The following VSTM1 variants were observed in gnomAD, a reference collection of about 807,000 sequenced individuals.
The protein encoded by VSTM1 is V-set and transmembrane domain containing 1, also known as V-set and transmembrane domain-containing protein 1.
VSTM1 carries 27 observed loss-of-function variants against 33.1 expected under a neutral mutation model. That is an observed-to-expected ratio of 0.82 (90% confidence interval 0.60 to 1.12). The LOEUF (loss-of-function observed/expected upper bound fraction) is 1.12. Among genes scored for constraint, VSTM1 ranks in the 50% most tolerant of loss-of-function variants. VSTM1 has a pLI of 0.00. For missense variants in VSTM1, 304 were observed against 288.9 expected, an observed-to-expected ratio of 1.05 and a Z score of -0.38; for synonymous variants, 115 against 110.3, an observed-to-expected ratio of 1.04 and a Z score of -0.27.
At chr19:54,041,722 C>A in intron 8 of VSTM1, 57 bp downstream of exon 8, 1 of 1,573,682 alleles carries the variant, frequency 6.4e-7, no homozygotes, top group Non-Finnish European at 8.7e-7. Context: ...GAGGCACACA[C>A]GACCAGCCCA....
chr19:54,063,518 T>G (rs557648271), intron 1 of VSTM1, among the ~76,000 whole-genome samples: 38 of 152,260 alleles, frequency 2.5e-4, no homozygotes, highest in African/African-American at 8.4e-4. Context: ...ACAGCAGCTC[T>G]GCCTTTCCCA....
At chr19:54,049,919 T>G (rs2070757951) in intron 4 of VSTM1, among the ~76,000 whole-genome samples, 3 of 152,054 alleles carry the variant, frequency 2.0e-5, no homozygotes, top group Admixed American at 2.0e-4. Flanking sequence ...CAATTTATAT[T>G]CTGCATTTGG....
At chr19:54,055,464 C>A (rs2071043958) in intron 3 of VSTM1, 1 of 142,470 alleles carries the variant, frequency 7.0e-6, no homozygotes, top group East Asian at 2.0e-4. Context: ...ATAGAAAATG[C>A]TGGATACATG....
chr19:54,051,796 T>C (rs879980958), intron 3 of VSTM1, among the ~76,000 whole-genome samples: 4 of 152,168 alleles, frequency 2.6e-5, no homozygotes, highest in East Asian at 1.9e-4. Context: ...AGTCTTGCAC[T>C]GTTACCCAAG....
chr19:54,058,620 T>C lies in VSTM1; in HGVS notation c.71-30A>G, dbSNP rs765230915. On this transcript the variant is annotated intron_variant, in intron 2 of 8. Transcript: ENST00000338372. Reference sequence around the variant, plus strand: ...AAACAATTCAGAGTTAATTTGAGTCTAGAATTCAGACGATTAAAGGAAAAG... The same window carrying C: ...AAACAATTCAGAGTTAATTTGAGTCCAGAATTCAGACGATTAAAGGAAAAG... The C allele has an allele frequency of 3.1e-6, 5 of 1,613,022 alleles. No individual in the cohort carries two copies. In the African/African-American group the frequency reaches 6.7e-5, roughly 22 times the overall value.
chr19:54,041,187 AC>A, intron 8 of VSTM1, 107 bp from the exon 9 acceptor site: 1 of 1,245,346 alleles, frequency 8.0e-7, no homozygotes, highest in Non-Finnish European at 1.1e-6. Flanking sequence ...TTAATTTAAA[AC>A]CCAGGTCCTC....
At chr19:54,041,503 A>G (rs1455862939) in intron 8 of VSTM1, among the ~76,000 whole-genome samples, 7 of 152,128 alleles carry the variant, frequency 4.6e-5, no homozygotes, top group South Asian at 4.1e-4. Flanking sequence ...GGGTTTCACC[A>G]TGTTAACCAG....
chr19:54,052,833 G>GA (rs2070917920), intron 3 of VSTM1: 1 of 146,316 alleles, frequency 6.8e-6, no homozygotes, highest in Non-Finnish European at 1.5e-5. Context: ...AAAGCAGCCA[G>GA]AGGCCGGGCA....
rs746783531 is a variant in VSTM1 at position 54,040,965 on chromosome 19, A to T, written c.707T>A (p.Val236Glu). ...GTGGCCAGGGCTGTCTTCTTGCTAC[A>T]CTTTCAGTGCCGCATATTCATGAGA... ...PGSHEYAALK[V>E] is the part of the protein sequence containing the mutation. The change falls in exon 9 of 9, where the codon GTG becomes GAG. Residue 236 changes from valine to glutamate, a missense_variant. Transcript: ENST00000338372. 1.4e-5 allele frequency: 22 copies of T among 1,609,246 alleles called. No individual in the cohort carries two copies. In the East Asian group the frequency reaches 4.7e-4, roughly 35 times the overall value.
rs2071129444 is a variant in VSTM1 at position 54,056,975 on chromosome 19, C to T, written c.355+1331G>A. Among the ~76,000 whole-genome samples, 2 of 140,380 alleles carry T rather than the reference C, an allele frequency of 1.4e-5. 1 individual carries two copies. Among genetic ancestry groups the T allele is most frequent in the African/African-American group, 5.3e-5 (2 of 37,998 alleles). The allele number at this position is 140,380 out of a possible 152,430, so 92.1% of individuals were successfully genotyped here. Reference sequence around the variant, plus strand: ...TCAAGAGATTCTCTTCCTGCCTCAGCCTCCCTAGTAGCTGGGATTACAGGC... The same window carrying T: ...TCAAGAGATTCTCTTCCTGCCTCAGTCTCCCTAGTAGCTGGGATTACAGGC... On this transcript the variant is annotated intron_variant, in intron 3 of 8. Coordinates refer to ENST00000338372, the MANE Select transcript of VSTM1 (RefSeq NM_198481.4).
intron 8 of VSTM1, among the ~76,000 whole-genome samples, chr19:54,041,554 G>T (rs2070269038): frequency 6.6e-6 from 1 of 152,124 alleles, no homozygotes; most frequent in Non-Finnish European, 1.5e-5. Context: ...GCCCGCCTCG[G>T]CCTCCCAAAG....
At chr19:54,061,298 G>A (rs1205841121) in intron 1 of VSTM1, among the ~76,000 whole-genome samples, 2 of 152,108 alleles carry the variant, frequency 1.3e-5, no homozygotes, top group African/African-American at 4.8e-5. Context: ...GATTACAGGC[G>A]TGAGCCACCA....
intron 4 of VSTM1, among the ~76,000 whole-genome samples, chr19:54,043,559 C>T (rs1178979777): frequency 6.6e-6 from 1 of 151,942 alleles, no homozygotes; most frequent in African/African-American, 2.4e-5. Flanking sequence ...TTACAGGTGC[C>T]CACCATCACG....
chr19:54,043,243 C>T (rs1200994827), intron 4 of VSTM1, among the ~76,000 whole-genome samples: 2 of 151,968 alleles, frequency 1.3e-5, no homozygotes, highest in East Asian at 3.9e-4. Flanking sequence ...ACTGAGGTCC[C>T]CCAAGGTGGA....
rs765187210 is a variant in VSTM1, at chr19:54,058,540, C to G, written c.121G>C (p.Ala41Pro). Residue 41 changes from alanine to proline, a missense_variant, in exon 3 of 9, where the codon GCC becomes CCC. Physicochemically the swap from Ala to Pro is conservative, Grantham distance 27 (BLOSUM62 -1). Coordinates refer to ENST00000338372, the MANE Select transcript of VSTM1 (RefSeq NM_198481.4). ...CACTTCAGGGTCACATTGCTCTCGG[C>G]TTCAACCACCGAGCTGGGCCAGGCG... ...LHAWPSSVVE[A>P]ESNVTLKCQA... The G allele has an allele frequency of 1.2e-6, 2 of 1,614,108 alleles. No homozygotes were observed. The highest frequency in any genetic ancestry group is 2.2e-5 in the South Asian group (2 of 91,080).
Position 54,041,198 on chromosome 19 carries a change from C to T in VSTM1, c.592-118G>A, listed in dbSNP as rs78807723. ...AAATTTAATTTAAAACCCAGGTCCT[C>T]GGTCACACCAGATGCATTTCTTTTT... is the stretch of plus-strand genomic sequence containing the variant. On this transcript the variant is annotated intron_variant, in intron 8 of 8. Transcript: ENST00000338372. 1.5e-3 allele frequency: 1,574 copies of T among 1,079,408 alleles called. 18 individuals are homozygous for T. The African/African-American group carries it at 0.023, about 16-fold the overall frequency. 66.9% of individuals were successfully genotyped at this position (1,079,408 alleles called of 1,614,324 possible). A position where few individuals can be genotyped will look rare whatever the true frequency, so the allele number is the denominator to read the frequency against.
intron 1 of VSTM1, among the ~76,000 whole-genome samples, chr19:54,061,035 T>TG (rs1382950931): frequency 1.8e-4 from 26 of 145,500 alleles, no homozygotes; most frequent in African/African-American, 2.3e-4. Context: ...TTTTTTTTTT[T>TG]GACATGGAGT....
chr19:54,057,164 A>C (rs2071138905), intron 3 of VSTM1, among the ~76,000 whole-genome samples: 1 of 137,714 alleles, frequency 7.3e-6, no homozygotes, highest in Non-Finnish European at 1.6e-5. Flanking sequence ...CCTGGCCTGC[A>C]TCTATCTTTT....
Position 54,040,839 on chromosome 19 carries a change from G to A in VSTM1, c.*122C>T, listed in dbSNP as rs1600097859. 3.7e-6 allele frequency: 5 copies of A among 1,339,196 alleles called. No homozygotes were observed. In the East Asian group the frequency reaches 8.1e-5, roughly 22 times the overall value. 83.0% of individuals were successfully genotyped at this position (1,339,196 alleles called of 1,614,324 possible). On this transcript the variant is annotated 3_prime_UTR_variant, in exon 9 of 9. Transcript: ENST00000338372. ...AATAAGTCAGATTTCTTTTTAAGACGAGAAACTTAATTTTATTGATATGGA... is the reference window on the plus strand; with the variant it reads ...AATAAGTCAGATTTCTTTTTAAGACAAGAAACTTAATTTTATTGATATGGA...
Sources: gnomAD v4.1 joint callset for allele counts (sites outside exome capture counted in the v4.1 genomes callset) on GRCh38, gnomAD v4.1.1 for gene constraint, MANE v1.5 for transcripts, NCBI Gene and HGNC (gene_info 2026-07-23, HGNC 2026-07-21) for gene names.